Variants in KDM4C observed in about 807,000 individuals in gnomAD.
KDM4C encodes the protein lysine demethylase 4C, also known as lysine-specific demethylase 4C.
A neutral mutation model predicts 129.3 loss-of-function variants in KDM4C; 81 were observed. The ratio of observed to expected loss-of-function variants is 0.63; its 90% CI spans 0.52 to 0.75. The LOEUF (loss-of-function observed/expected upper bound fraction) is 0.75, where lower values mean the gene tolerates loss of function less well. KDM4C is among the 30% of genes least tolerant of loss of function. KDM4C has a pLI of 0.00. For synonymous variants in KDM4C, 573 were observed against 456.1 expected (o/e 1.26, Z -3.26); for missense variants, 1,457 against 1,304.0 (o/e 1.12, Z -1.81).
chr9:7,058,636 T>TA (rs199627918), intron 17 of KDM4C, among the ~76,000 whole-genome samples: 81 of 150,606 alleles, frequency 5.4e-4, no homozygotes, highest in South Asian at 1.0e-3. Flanking sequence ...CATCTGGCAT[T>TA]AAAAAAAAAG....
At chr9:6,924,456 G>T (rs1399463634) in intron 8 of KDM4C, among the ~76,000 whole-genome samples, 1 of 152,202 alleles carries the variant, frequency 6.6e-6, no homozygotes, top group Non-Finnish European at 1.5e-5. Context: ...GCAGCGCTCT[G>T]TTGGACTTGC....
chr9:6,849,579 A>G lies in KDM4C; in HGVS notation c.508A>G (p.Ile170Val), dbSNP rs192832191. ...GGTTGAAGAAGAGTGTGGCATTTCT[A>G]TTGAGGGTGTAAATACCCCATATCT... ...DVVEEECGIS[I>V]EGVNTPYLYF... Residue 170 changes from isoleucine (I) to valine (V), a missense_variant, in exon 5 of 22, where the codon ATT becomes GTT. Physicochemically the swap from Ile to Val is conservative, Grantham distance 29. Transcript: ENST00000381309. 15 of 1,613,938 alleles carry G rather than the reference A, an allele frequency of 9.3e-6. No individual in the cohort carries two copies. Among genetic ancestry groups the G allele is most frequent in the Admixed American group, 3.3e-5 (2 of 59,998 alleles).
chr9:7,013,763 C>T (rs1563982635), intron 13 of KDM4C, 25 bp from the exon 14 acceptor site: 6 of 1,605,912 alleles, frequency 3.7e-6, no homozygotes, highest in Non-Finnish European at 8.5e-7. Flanking sequence ...GTTTTTCACT[C>T]ATGTGGAAAC....
At chr9:6,774,672 C>G (rs939297862) in intron 1 of KDM4C, among the ~76,000 whole-genome samples, 2 of 152,036 alleles carry the variant, frequency 1.3e-5, no homozygotes, top group Non-Finnish European at 2.9e-5. Flanking sequence ...AAAATTTTAA[C>G]ATAGCATTAA....
At chr9:6,744,379 G>T (rs1023454371) in intron 1 of KDM4C, among the ~76,000 whole-genome samples, 4 of 152,066 alleles carry the variant, frequency 2.6e-5, no homozygotes, top group Admixed American at 6.6e-5. Context: ...ACAAGAATTA[G>T]CTGGGCATGG....
At chr9:6,732,363 T>A (rs1394528960) in intron 1 of KDM4C, among the ~76,000 whole-genome samples, 1 of 48,828 alleles carries the variant, frequency 2.0e-5, no homozygotes, top group Admixed American at 4.0e-4. Flanking sequence ...AGACTCTGTC[T>A]CAAAAAAAAA....
Position 7,009,950 on chromosome 9 carries a change from A to G in KDM4C, c.1787-1748A>G, listed in dbSNP as rs185655473. ...ATATTTAAAAAATTAAGAAAAAGAT[A>G]TGTCATGAAGGCATAAAATATATGC... On this transcript the variant is annotated intron_variant, in intron 12 of 21. Transcript: ENST00000381309. 3.2e-4 allele frequency among the ~76,000 whole-genome samples: 49 copies of G among 152,330 alleles called. 1 individual carries two copies. Among genetic ancestry groups the G allele is most frequent in the African/African-American group, 1.0e-3 (42 of 41,576 alleles).
intron 4 of KDM4C, among the ~76,000 whole-genome samples, chr9:6,837,267 A>G (rs1836047749): frequency 6.6e-6 from 1 of 152,168 alleles, no homozygotes; most frequent in Non-Finnish European, 1.5e-5. Context: ...CATGGTGCCC[A>G]GGCTTATCCC....
chr9:6,824,839 T>A (rs903639319), intron 4 of KDM4C, among the ~76,000 whole-genome samples: 3 of 152,068 alleles, frequency 2.0e-5, no homozygotes, highest in African/African-American at 7.2e-5. Flanking sequence ...AAATCTCTTA[T>A]GTCTAGCTCA....
rs80031542 is a variant in KDM4C at position 7,086,681 on chromosome 9, C to G, written c.2425-17004C>G. On this transcript the variant is annotated intron_variant, in intron 17 of 21. Transcript: ENST00000381309. ...TCCTCAGATAACTGCTACGGGGTTA[C>G]CAGCAGATTCCTGAGATCATGGACT... Among the ~76,000 whole-genome samples, 1,120 of 152,292 alleles carry G rather than the reference C, an allele frequency of 7.4e-3. 8 individuals are homozygous for G. Among genetic ancestry groups the G allele is most frequent in the African/African-American group, 0.026 (1,070 of 41,562 alleles).
At position 7,032,792 on chromosome 9, in the gene KDM4C, TG is replaced by T. The variant is rs1826996513; in HGVS notation, c.2260-14069del. 3.3e-5 allele frequency among the ~76,000 whole-genome samples: 5 copies of T among 152,322 alleles called. No homozygotes were observed. In the South Asian group the frequency reaches 1.0e-3, roughly 32 times the overall value. ...GAAGGCCAAGCCACTGACCTAATCCTGAACAATGTATTTGACTAGTTTTTGT... is the reference window on the plus strand; with the variant it reads ...GAAGGCCAAGCCACTGACCTAATCCTAACAATGTATTTGACTAGTTTTTGT... On this transcript the variant is annotated intron_variant, in intron 15 of 21. Coordinates refer to ENST00000381309, the MANE Select transcript of KDM4C (RefSeq NM_015061.6).
chr9:7,163,566 C>T (rs1352212648), intron 19 of KDM4C, among the ~76,000 whole-genome samples: 2 of 152,188 alleles, frequency 1.3e-5, no homozygotes, highest in East Asian at 1.9e-4. Context: ...GCCACACTTA[C>T]CCCAGCACCT....
intron 5 of KDM4C, among the ~76,000 whole-genome samples, chr9:6,874,931 TAA>T (rs34854547): frequency 1.3e-3 from 176 of 132,804 alleles, no homozygotes; most frequent in Non-Finnish European, 1.1e-3. Flanking sequence ...TCTCTACAGT[TAA>T]AAAAAAAAAA....
At chr9:7,124,365 A>G (rs1839820678) in intron 18 of KDM4C, among the ~76,000 whole-genome samples, 1 of 152,232 alleles carries the variant, frequency 6.6e-6, no homozygotes, top group Non-Finnish European at 1.5e-5. Context: ...AGTTCTGCCA[A>G]GATGAAGCTG....
intron 5 of KDM4C, among the ~76,000 whole-genome samples, chr9:6,861,614 A>C (rs987447243): frequency 6.6e-6 from 1 of 152,172 alleles, no homozygotes; most frequent in African/African-American, 2.4e-5. Context: ...AACATACCTC[A>C]AACTTAATAT....
chr9:6,959,497 G>C (rs1163661551), intron 8 of KDM4C, among the ~76,000 whole-genome samples: 1 of 152,166 alleles, frequency 6.6e-6, no homozygotes, highest in Non-Finnish European at 1.5e-5. Context: ...TTAGCATAGT[G>C]CCACCTGATA....
At chr9:6,983,648 A>T (rs560962824) in intron 9 of KDM4C, among the ~76,000 whole-genome samples, 2 of 150,610 alleles carry the variant, frequency 1.3e-5, no homozygotes, top group Non-Finnish European at 2.9e-5. Flanking sequence ...TCCTTTCGCT[A>T]TTGATGAATT....
At chr9:7,012,732 T>C (rs1822939401) in intron 13 of KDM4C, among the ~76,000 whole-genome samples, 1 of 152,216 alleles carries the variant, frequency 6.6e-6, no homozygotes, top group South Asian at 2.1e-4. Flanking sequence ...ACAGTTGAAA[T>C]ATTTTTAGGA....
intron 8 of KDM4C, among the ~76,000 whole-genome samples, chr9:6,925,979 T>G (rs569084763): frequency 1.3e-5 from 2 of 152,304 alleles, no homozygotes; most frequent in South Asian, 4.1e-4. Flanking sequence ...TTCCGTAAAG[T>G]ACCCTGGATT....
Sources: allele counts gnomAD v4.1 joint callset (sites outside exome capture counted in the v4.1 genomes callset), GRCh38; gene constraint gnomAD v4.1.1; transcripts MANE v1.5; gene names NCBI Gene and HGNC (gene_info 2026-07-23, HGNC 2026-07-21).